The following GRAMD2B variants were observed in gnomAD, a reference collection of about 807,000 sequenced individuals.
GRAMD2B encodes GRAM domain-containing protein 2B.
GRAMD2B carries 41 observed loss-of-function variants against 59.2 expected under a neutral mutation model. That is an observed-to-expected ratio of 0.69 (90% CI 0.54 to 0.90). The LOEUF (loss-of-function observed/expected upper bound fraction) is 0.90, where lower values mean the gene tolerates loss of function less well. Ranked by LOEUF, GRAMD2B falls within the 40% of genes least tolerant of loss-of-function variation. GRAMD2B has a pLI of 0.00. For missense variants in GRAMD2B, 424 were observed against 500.5 expected (o/e 0.85, Z 1.46); for synonymous variants, 161 against 182.7 (o/e 0.88, Z 0.96).
chr5:126,479,910 A>G (rs11740694), intron 6 of GRAMD2B: 54,175 of 152,162 alleles, frequency 0.36, 11,428 homozygotes, highest in East Asian at 0.77. Context: ...CTCCTTTCCC[A>G]TGGCTCACTT....
chr5:126,397,834 A>T (rs1472504132), intron 1 of GRAMD2B, among the ~76,000 whole-genome samples: 1 of 152,076 alleles, frequency 6.6e-6, no homozygotes, highest in Admixed American at 6.6e-5. Flanking sequence ...GATTATTTTC[A>T]TACAGTGTCA....
chr5:126,360,798 G>C (rs1040849060), intron 1 of GRAMD2B, among the ~76,000 whole-genome samples: 1 of 152,162 alleles, frequency 6.6e-6, no homozygotes, highest in East Asian at 1.9e-4. Flanking sequence ...TGGCTTGAAA[G>C]ATACAGTTGC....
Position 126,440,357 on chromosome 5 carries a change from C to G in GRAMD2B, c.83+16668C>G, listed in dbSNP as rs1057065909. Among the ~76,000 whole-genome samples, 3 of 152,164 alleles carry G rather than the reference C, an allele frequency of 2.0e-5. No homozygotes were observed. The East Asian group carries it at 5.8e-4, about 29-fold the overall frequency. ...CTTGAGAAAACATTTCAGAATGATT[C>G]TAAACTTATTCTGAAAGATTGAAGC... is the stretch of plus-strand genomic sequence containing the variant. On this transcript the variant is annotated intron_variant, in intron 1 of 13. Transcript: ENST00000285689.
chr5:126,451,496 A>G (rs976120786), intron 1 of GRAMD2B, among the ~76,000 whole-genome samples: 1 of 152,052 alleles, frequency 6.6e-6, no homozygotes, highest in Admixed American at 6.6e-5. Context: ...TGGAATGGGA[A>G]TGTTTATCCA....
chr5:126,436,977 A>G (rs1762516444), intron 1 of GRAMD2B, among the ~76,000 whole-genome samples: 1 of 152,258 alleles, frequency 6.6e-6, no homozygotes, highest in African/African-American at 2.4e-5. Context: ...ACTAGAAGAT[A>G]AAATGTATAA....
chr5:126,437,245 T>TAGGGGAG (rs761162065), intron 1 of GRAMD2B, among the ~76,000 whole-genome samples: 1 of 151,998 alleles, frequency 6.6e-6, no homozygotes, highest in Non-Finnish European at 1.5e-5. Flanking sequence ...ATTGTTCTGG[T>TAGGGGAG]AGGGGAGAGG....
At position 126,364,718 on chromosome 5, in the gene GRAMD2B, T is replaced by C. The variant is rs144420677; in HGVS notation, c.128+4259T>C. On this transcript the variant is annotated intron_variant, in intron 1 of 13. Coordinates refer to the GRAMD2B transcript ENST00000513040. ...TATAACAGGAAGTATTTTAAGTACATGCATTCTAAGGTTCCTATTGGCTCT... is the reference window on the plus strand; with the variant it reads ...TATAACAGGAAGTATTTTAAGTACACGCATTCTAAGGTTCCTATTGGCTCT... Among the ~76,000 whole-genome samples, 855 of 152,302 alleles carry C rather than the reference T, an allele frequency of 5.6e-3. 20 individuals carry two copies. Among genetic ancestry groups the C allele is most frequent in the Admixed American group, 0.038 (583 of 15,308 alleles).
Position 126,469,821 on chromosome 5 carries a change from A to G in GRAMD2B, c.315+33A>G, listed in dbSNP as rs747997501. The G allele has an allele frequency of 6.1e-6, 9 of 1,484,084 alleles. No individual in the cohort carries two copies. The South Asian group carries it at 1.0e-4, about 17-fold the overall frequency. The allele number at this position is 1,484,084 out of a possible 1,614,324, so 91.9% of individuals were successfully genotyped here. A position where few individuals can be genotyped will look rare whatever the true frequency, so the allele number is the denominator to read the frequency against. ...GAGAATGGAATTTGTATTGTCTTAG[A>G]GGGTGACAGGGCTACTGAAGCCAGT... On this transcript the variant is annotated intron_variant, in intron 3 of 13. Transcript: ENST00000285689.
chr5:126,476,885 A>T, intron 5 of GRAMD2B, among the ~76,000 whole-genome samples: 1 of 152,178 alleles, frequency 6.6e-6, no homozygotes, highest in East Asian at 1.9e-4. Flanking sequence ...ATCTCACTTA[A>T]TCCACAGAAA....
chr5:126,406,705 T>C (rs1758296541), intron 1 of GRAMD2B, among the ~76,000 whole-genome samples: 2 of 151,982 alleles, frequency 1.3e-5, no homozygotes, highest in Non-Finnish European at 2.9e-5. Flanking sequence ...AAAGAATTGG[T>C]TCACTGGGTG....
At chr5:126,364,437 A>C (rs116224932) in intron 1 of GRAMD2B, among the ~76,000 whole-genome samples, 1 of 152,244 alleles carries the variant, frequency 6.6e-6, no homozygotes, top group Non-Finnish European at 1.5e-5. Context: ...ACTTCACACA[A>C]TAGCAGTGGA....
chr5:126,485,006 C>G (rs534647323), intron 10 of GRAMD2B, among the ~76,000 whole-genome samples: 1 of 152,300 alleles, frequency 6.6e-6, no homozygotes, highest in Admixed American at 6.5e-5. Flanking sequence ...TCCGTGCTTA[C>G]AGTGGGGGAT....
At chr5:126,395,782 A>G (rs1385124283) in intron 1 of GRAMD2B, among the ~76,000 whole-genome samples, 1 of 152,118 alleles carries the variant, frequency 6.6e-6, no homozygotes, top group East Asian at 1.9e-4. Flanking sequence ...GTGTGCGCGC[A>G]TGCACATGTA....
chr5:126,493,184 G>A lies in GRAMD2B; in HGVS notation c.*228G>A. On this transcript the variant is annotated 3_prime_UTR_variant, in exon 14 of 14. Transcript: ENST00000285689. ...CTCTGAGGAAGATTTTGCTGCTTTT[G>A]CCTGAAGAAAACAGACCCATCTCTG... 1.9e-6 allele frequency: 1 copy of A among 537,222 alleles called. No homozygotes were observed. Among genetic ancestry groups the A allele is most frequent in the Non-Finnish European group, 3.4e-6 (1 of 297,632 alleles). 33.3% of individuals were successfully genotyped at this position (537,222 alleles called of 1,614,324 possible). A position where few individuals can be genotyped will look rare whatever the true frequency, so the allele number is the denominator to read the frequency against.
At chr5:126,387,173 G>A (rs1230240507) in intron 1 of GRAMD2B, among the ~76,000 whole-genome samples, 1 of 151,184 alleles carries the variant, frequency 6.6e-6, no homozygotes, top group Non-Finnish European at 1.5e-5. Context: ...ATGACCTTAA[G>A]TAAACATGGA....
At chr5:126,439,253 A>AATATATAG (rs1762904192) in intron 1 of GRAMD2B, among the ~76,000 whole-genome samples, 1 of 152,240 alleles carries the variant, frequency 6.6e-6, no homozygotes, top group Non-Finnish European at 1.5e-5. Flanking sequence ...CGTATGTTGA[A>AATATATAG]ATATATAGAT....
rs988014885 is a variant in GRAMD2B at position 126,364,491 on chromosome 5, G to A, written c.128+4032G>A. On this transcript the variant is annotated intron_variant, in intron 1 of 13. Coordinates refer to the GRAMD2B transcript ENST00000513040. ...TAGGATCGCTTCCCGCTCTTGTCCC[G>A]TACAAAGACAACATTTAACACAGAT... is the stretch of plus-strand genomic sequence containing the variant. Among the ~76,000 whole-genome samples, 6 of 152,174 alleles carry A rather than the reference G, an allele frequency of 3.9e-5. No individual in the cohort carries two copies. The South Asian group carries it at 6.2e-4, about 16-fold the overall frequency.
intron 1 of GRAMD2B, among the ~76,000 whole-genome samples, chr5:126,399,455 T>G (rs1183376455): frequency 6.6e-6 from 1 of 152,136 alleles, no homozygotes; most frequent in Non-Finnish European, 1.5e-5. Flanking sequence ...TGTAATAGTG[T>G]GTGAGTTCTC....
intron 1 of GRAMD2B, among the ~76,000 whole-genome samples, chr5:126,381,608 C>T (rs552183108): frequency 6.6e-6 from 1 of 152,318 alleles, no homozygotes; most frequent in South Asian, 2.1e-4. Context: ...CTCTTAAAGA[C>T]AGCAGATACT....
Sources: allele counts gnomAD v4.1 joint callset (sites outside exome capture counted in the v4.1 genomes callset), GRCh38; gene constraint gnomAD v4.1.1; transcripts MANE v1.5; gene names NCBI Gene and HGNC (gene_info 2026-07-23, HGNC 2026-07-21).